JAG1: variants seen among roughly 807,000 people sequenced by gnomAD.
The protein encoded by JAG1 is protein jagged-1.
Under a neutral mutation model 148.7 loss-of-function variants are expected in JAG1, and 23 were observed. The ratio of observed to expected loss-of-function variants is 0.15; its 90% CI spans 0.11 to 0.22. JAG1 has a LOEUF of 0.22. Among genes scored for constraint, JAG1 ranks in the 10% least tolerant of loss-of-function variants. The pLI, the probability that JAG1 is intolerant of heterozygous loss-of-function variation, is 1.00. For missense variants in JAG1, 1,054 were observed against 1,611.2 expected (o/e 0.65, Z 5.92); for synonymous variants, 572 against 598.3 (o/e 0.96, Z 0.64).
At chr20:10,665,212 G>A (rs895066392) in intron 2 of JAG1, among the ~76,000 whole-genome samples, 2 of 152,186 alleles carry the variant, frequency 1.3e-5, no homozygotes, top group African/African-American at 2.4e-5. Context: ...AGGGTAAAAG[G>A]GAGTTTCATT....
rs779874619 is a variant in JAG1 at position 10,645,172 on chromosome 20, C to G, written c.2198G>C (p.Gly733Ala). 7.4e-6 allele frequency: 12 copies of G among 1,614,088 alleles called. No individual in the cohort carries two copies. The highest frequency in any genetic ancestry group is 9.3e-6 in the Non-Finnish European group (11 of 1,180,014). ...EGDAFKCMCP[G>A]GWEGTTCNIA... Reference sequence around the variant, plus strand: ...GTTACAGGTTGTTCCTTCCCAGCCGCCAGGACACATGCACTTAAAAGCATC... The same window carrying G: ...GTTACAGGTTGTTCCTTCCCAGCCGGCAGGACACATGCACTTAAAAGCATC... The change falls in exon 17 of 26, where the codon GGC becomes GCC. Residue 733 changes from glycine (G) to alanine (A), a missense_variant. Physicochemically the swap from Gly to Ala is moderately conservative, Grantham distance 60. This residue lies in a region of JAG1 where 342 missense variants were observed against 514.6 expected (regional missense o/e 0.66). Coordinates refer to ENST00000254958, the MANE Select transcript of JAG1 (RefSeq NM_000214.3). This position sits in a 1 kb window ranked among gnomAD's most constrained non-coding sequence, Gnocchi z 6.1.
In JAG1 at chr20:10,673,598, G is replaced by T; in HGVS notation, c.-68C>A. The T allele has an allele frequency of 1.1e-6, 1 of 919,792 alleles. No homozygotes were observed. The highest frequency in any genetic ancestry group is 1.4e-6 in the Non-Finnish European group (1 of 709,062). The allele number at this position is 919,792 out of a possible 1,614,324, so 57.0% of individuals were successfully genotyped here. A position where few individuals can be genotyped will look rare whatever the true frequency, so the allele number is the denominator to read the frequency against. On this transcript the variant is annotated 5_prime_UTR_variant, in exon 1 of 26. Transcript: ENST00000254958. This position sits in a 1 kb window ranked among gnomAD's most constrained non-coding sequence, Gnocchi z 4.7. ...TGTTCGCGCTGGTGCTGCCGCCGGT[G>T]CTGCCGTCGCCGCTGCCCCTGCGGC...
chr20:10,663,926 G>A (rs750099364), intron 3 of JAG1, 37 bp downstream of exon 3: 41 of 1,573,850 alleles, frequency 2.6e-5, no homozygotes, highest in Admixed American at 1.0e-4. Flanking sequence ...ACACTTCCAC[G>A]TGTGTTTAGA....
chr20:10,641,158 A>G lies in JAG1; in HGVS notation c.3003T>C (p.Ala1001=). 6.2e-7 allele frequency: 1 copy of G among 1,614,032 alleles called. No homozygotes were observed. Among genetic ancestry groups the G allele is most frequent in the Non-Finnish European group, 8.5e-7 (1 of 1,180,038 alleles). ...NVSAEYSIYI[A]CEPSPSANNE... is the part of the protein sequence containing the mutation. ...TGTTCGCTGAAGGGGAAGGCTCGCAAGCGATGTAGATTGAATATTCAGCGG... is the reference window on the plus strand; with the variant it reads ...TGTTCGCTGAAGGGGAAGGCTCGCAGGCGATGTAGATTGAATATTCAGCGG... The change falls in exon 24 of 26, where the codon GCT becomes GCC. Residue 1001 remains alanine (A), a synonymous_variant. Coordinates refer to ENST00000254958, the MANE Select transcript of JAG1 (RefSeq NM_000214.3).
rs1248714352 is a variant in JAG1, at chr20:10,638,753, C to CA, written c.*744dup. The CA allele has an allele frequency of 6.6e-6, 1 of 152,492 alleles. No homozygotes were observed. Among genetic ancestry groups the CA allele is most frequent in the East Asian group, 1.9e-4 (1 of 5,176 alleles). The allele number at this position is 152,492 out of a possible 1,614,324, so 9.4% of individuals were successfully genotyped here. On this transcript the variant is annotated 3_prime_UTR_variant, in exon 26 of 26. Transcript: ENST00000254958. ...TAGGCAACAAGTAATGAGAAGAGTT[C>CA]AAAAAAATAAAGCCATACGCTTACA... is the stretch of plus-strand genomic sequence containing the variant.
chr20:10,642,908 C>T (rs539468072), intron 20 of JAG1, among the ~76,000 whole-genome samples: 3 of 152,336 alleles, frequency 2.0e-5, no homozygotes, highest in African/African-American at 7.2e-5. Flanking sequence ...AGGGGTCAGA[C>T]AGTAAACATC....
intron 4 of JAG1, 36 bp from the exon 5 acceptor site, chr20:10,656,494 C>A: frequency 6.3e-7 from 1 of 1,588,166 alleles, no homozygotes; most frequent in Non-Finnish European, 8.6e-7. Flanking sequence ...CAGCACACTG[C>A]CTGTTCCTTG....
At chr20:10,641,063 C>G in intron 24 of JAG1, 50 bp downstream of exon 24, 1 of 1,613,602 alleles carries the variant, frequency 6.2e-7, no homozygotes, top group South Asian at 1.1e-5. Flanking sequence ...ACTGGTTAAC[C>G]GAACTGCCTT....
intron 19 of JAG1, 142 bp from the exon 20 acceptor site, chr20:10,644,005 T>G: frequency 4.1e-6 from 3 of 734,048 alleles, no homozygotes; most frequent in Non-Finnish European, 7.3e-6. Flanking sequence ...AGAATACTGA[T>G]GCCTGGGTCC....
chr20:10,642,223 T>A (rs1019330108), intron 21 of JAG1, among the ~76,000 whole-genome samples: 4 of 152,174 alleles, frequency 2.6e-5, no homozygotes, highest in African/African-American at 9.7e-5. Flanking sequence ...TCTCTGCCCA[T>A]GCTGCATATC....
At chr20:10,658,789 T>G in intron 3 of JAG1, 67 bp from the exon 4 acceptor site, 1 of 1,580,236 alleles carries the variant, frequency 6.3e-7, no homozygotes, top group Non-Finnish European at 8.7e-7. Flanking sequence ...CATTTTGGCT[T>G]TTTAAAATAA....
intron 2 of JAG1, among the ~76,000 whole-genome samples, chr20:10,666,429 C>A (rs2067454558): frequency 6.6e-6 from 1 of 152,200 alleles, no homozygotes; most frequent in African/African-American, 2.4e-5. Flanking sequence ...AAGTCACATA[C>A]AAGCAGCCAC....
At chr20:10,670,584 C>A (rs2067488473) in intron 2 of JAG1, among the ~76,000 whole-genome samples, 1 of 152,192 alleles carries the variant, frequency 6.6e-6, no homozygotes, top group South Asian at 2.1e-4. Flanking sequence ...ACGGACTGTG[C>A]CGTTTCTCCA....
chr20:10,640,010 C>T (rs1224804171), intron 25 of JAG1, 55 bp from the exon 26 acceptor site: 1 of 1,392,504 alleles, frequency 7.2e-7, no homozygotes, highest in African/African-American at 1.4e-5. Flanking sequence ...AAAAAAGCAT[C>T]ATCGCAGGAA....
At chr20:10,655,795 T>A (rs1407698619) in intron 5 of JAG1, among the ~76,000 whole-genome samples, 1 of 152,142 alleles carries the variant, frequency 6.6e-6, no homozygotes, top group Non-Finnish European at 1.5e-5. Context: ...CGTGAAGTGG[T>A]CAGGGCAGGC....
rs116234949 is a variant in JAG1, at chr20:10,645,798, T to C, written c.1999+173A>G. ...AGCAGAAGCTCCTCCCCATAAGCTA[T>C]CATCAGGACTCATAAATGCAAATGA... On this transcript the variant is annotated intron_variant, in intron 15 of 25. Transcript: ENST00000254958. This position sits in a 1 kb window ranked among gnomAD's most constrained non-coding sequence, Gnocchi z 6.1. 2,185 of 661,690 alleles carry C rather than the reference T, an allele frequency of 3.3e-3. 30 individuals carry two copies. The African/African-American group carries it at 0.034, about 10-fold the overall frequency. 41.0% of individuals were successfully genotyped at this position (661,690 alleles called of 1,614,324 possible).
rs1292269553 is a variant in JAG1 at position 10,672,780 on chromosome 20, C to G, written c.308G>C (p.Gly103Ala). 1 of 1,613,022 alleles carries G rather than the reference C, an allele frequency of 6.2e-7. No homozygotes were observed. The highest frequency in any genetic ancestry group is 8.5e-7 in the Non-Finnish European group (1 of 1,180,052). ...SFGSGSTPVI[G>A]GNTFNLKASR... Reference sequence around the variant, plus strand: ...GGCCTTGAGGTTGAAGGTGTTGCCCCCGATGACAGGCGTGGACCCTGAGCC... The same window carrying G: ...GGCCTTGAGGTTGAAGGTGTTGCCCGCGATGACAGGCGTGGACCCTGAGCC... The change falls in exon 2 of 26, where the codon GGG becomes GCG. Residue 103 changes from glycine to alanine, a missense_variant. This residue lies in a region of JAG1 where 151 missense variants were observed against 211.1 expected (regional missense o/e 0.72). Transcript: ENST00000254958.
intron 21 of JAG1, 133 bp from the exon 22 acceptor site, chr20:10,642,025 C>T (rs1378183742): frequency 4.1e-6 from 3 of 734,796 alleles, no homozygotes; most frequent in Non-Finnish European, 7.4e-6. Flanking sequence ...ACAGTAACAG[C>T]ATGTGTACTT....
chr20:10,671,553 G>T (rs961443530), intron 2 of JAG1, among the ~76,000 whole-genome samples: 3 of 152,080 alleles, frequency 2.0e-5, no homozygotes, highest in Non-Finnish European at 4.4e-5. Context: ...CGGCGGACAG[G>T]AGGCAGCAGA....
Sources: allele counts gnomAD v4.1 joint callset (sites outside exome capture counted in the v4.1 genomes callset), GRCh38; gene constraint gnomAD v4.1.1; regional missense constraint gnomAD v4.1.1; non-coding constraint Gnocchi (gnomAD v3.1); transcripts MANE v1.5; gene names NCBI Gene and HGNC (gene_info 2026-07-23, HGNC 2026-07-21).